WDFY3: variants seen among roughly 807,000 people sequenced by gnomAD.
WDFY3 encodes the protein WD repeat and FYVE domain-containing protein 3.
Under a neutral mutation model 409.6 loss-of-function variants are expected in WDFY3, and 66 were observed. The ratio of observed to expected loss-of-function variants is 0.16; its 90% confidence interval spans 0.13 to 0.20. The LOEUF (loss-of-function observed/expected upper bound fraction) is 0.20, where lower values mean the gene tolerates loss of function less well. WDFY3 is among the 10% of genes least tolerant of loss of function. The probability of loss-of-function intolerance (pLI) is 1.00; values close to 1 mark genes in which losing one functional copy is unlikely to be tolerated. For synonymous variants in WDFY3, 1,521 were observed against 1,537.1 expected (o/e 0.99, Z 0.25); for missense variants, 3,031 against 4,298.1 (o/e 0.71, Z 8.24).
chr4:84,697,095 T>A (rs1179916732), intron 56 of WDFY3, among the ~76,000 whole-genome samples: 1 of 152,192 alleles, frequency 6.6e-6, no homozygotes, highest in African/African-American at 2.4e-5. Context: ...GAAACATGCT[T>A]CTTTCTGCAG....
At chr4:84,881,041 A>G (rs1400641153) in intron 3 of WDFY3, among the ~76,000 whole-genome samples, 1 of 151,708 alleles carries the variant, frequency 6.6e-6, no homozygotes, top group Non-Finnish European at 1.5e-5. Context: ...AGTCTTACTG[A>G]GCTTCTTCAA....
chr4:84,719,513 CTCA>C (rs2149073355), intron 47 of WDFY3, among the ~76,000 whole-genome samples: 1 of 152,232 alleles, frequency 6.6e-6, no homozygotes, highest in East Asian at 1.9e-4. Flanking sequence ...AAAAACTGTA[CTCA>C]TGAGATTAAA....
At chr4:84,909,868 CCAA>C (rs1767534902) in intron 2 of WDFY3, among the ~76,000 whole-genome samples, 1 of 152,084 alleles carries the variant, frequency 6.6e-6, no homozygotes, top group Non-Finnish European at 1.5e-5. Context: ...AATTAAATAA[CCAA>C]CAACTTGCTT....
intron 4 of WDFY3, among the ~76,000 whole-genome samples, chr4:84,850,284 G>T (rs1024996471): frequency 8.6e-5 from 13 of 151,924 alleles, no homozygotes; most frequent in African/African-American, 3.1e-4. Context: ...GATAAAATTT[G>T]AATCAATCTC....
At chr4:84,699,001 C>T (rs894495724) in intron 56 of WDFY3, among the ~76,000 whole-genome samples, 1 of 151,830 alleles carries the variant, frequency 6.6e-6, no homozygotes, top group Non-Finnish European at 1.5e-5. Context: ...AGTGTGTTTT[C>T]TTTTACACCA....
At chr4:84,914,507 G>T (rs573823376) in intron 2 of WDFY3, among the ~76,000 whole-genome samples, 44 of 152,214 alleles carry the variant, frequency 2.9e-4, no homozygotes, top group Non-Finnish European at 5.1e-4. Flanking sequence ...ATAAATTTTC[G>T]ACTGGAGGGG....
At chr4:84,745,198 T>C (rs1246867191) in intron 36 of WDFY3, among the ~76,000 whole-genome samples, 2 of 152,206 alleles carry the variant, frequency 1.3e-5, no homozygotes, top group African/African-American at 2.4e-5. Context: ...GGATGAGATG[T>C]AGGAAAGAGC....
intron 2 of WDFY3, among the ~76,000 whole-genome samples, chr4:84,897,328 C>T (rs1765771411): frequency 6.6e-6 from 1 of 152,116 alleles, no homozygotes; most frequent in African/African-American, 2.4e-5. Context: ...ATAAACTTTT[C>T]AGCTTGTTGC....
At position 84,691,393 on chromosome 4, in the gene WDFY3, C is replaced by T. The variant is rs377718983; in HGVS notation, c.9204+238G>A. Among the ~76,000 whole-genome samples the T allele has an allele frequency of 6.6e-5, 10 of 152,298 alleles. No individual in the cohort carries two copies. The East Asian group carries it at 1.7e-3, about 26-fold the overall frequency. Reference sequence around the variant, plus strand: ...AAGGAAACTGCTAGCCCCTGTTACACAACTTTGCAAAAGAGGCTTGTTCTG... The same window carrying T: ...AAGGAAACTGCTAGCCCCTGTTACATAACTTTGCAAAAGAGGCTTGTTCTG... On this transcript the variant is annotated intron_variant, in intron 60 of 67. Transcript: ENST00000295888.
intron 4 of WDFY3, among the ~76,000 whole-genome samples, 189 bp downstream of exon 4, chr4:84,860,223 T>C (rs1356310750): frequency 2.0e-5 from 3 of 152,218 alleles, no homozygotes; most frequent in African/African-American, 7.2e-5. Flanking sequence ...TAAATGTAGT[T>C]TATTCTGACC....
chr4:84,836,231 T>C (rs1219257054), intron 7 of WDFY3, among the ~76,000 whole-genome samples: 2 of 152,218 alleles, frequency 1.3e-5, no homozygotes, highest in East Asian at 3.8e-4. Context: ...ACTTTAGATA[T>C]ATCATATAAG....
At chr4:84,898,054 G>A (rs562114633) in intron 2 of WDFY3, among the ~76,000 whole-genome samples, 37 of 152,138 alleles carry the variant, frequency 2.4e-4, no homozygotes, top group Admixed American at 5.2e-4. Context: ...AAGAGCCTAA[G>A]CTGGCAGCCA....
chr4:84,809,311 G>A (rs1447605386), intron 14 of WDFY3: 1 of 152,634 alleles, frequency 6.6e-6, no homozygotes, highest in Non-Finnish European at 1.5e-5. Context: ...GCCCTGTGTA[G>A]AGCTGAATCC....
chr4:84,724,713 CTG>C (rs1735379733), intron 45 of WDFY3, 119 bp from the exon 46 acceptor site: 1 of 1,088,928 alleles, frequency 9.2e-7, no homozygotes, highest in Non-Finnish European at 1.3e-6. Context: ...TTTTCATAGA[CTG>C]TATGTATATA....
intron 38 of WDFY3, among the ~76,000 whole-genome samples, 178 bp from the exon 39 acceptor site, chr4:84,740,594 A>G (rs1738236214): frequency 6.6e-6 from 1 of 152,164 alleles, no homozygotes; most frequent in Admixed American, 6.5e-5. Context: ...CATGAGACAC[A>G]TCAATATCAT....
Position 84,679,115 on chromosome 4 carries a change from G to A in WDFY3, c.9951C>T (p.Arg3317=), listed in dbSNP as rs758904213. The A allele has an allele frequency of 1.2e-5, 19 of 1,614,050 alleles. No homozygotes were observed. The highest frequency in any genetic ancestry group is 2.2e-5 in the East Asian group (1 of 44,894). Residue 3317 remains arginine (R), a synonymous_variant, in exon 65 of 68, where the codon CGC becomes CGT. Coordinates refer to ENST00000295888, the MANE Select transcript of WDFY3 (RefSeq NM_014991.6). ...TGTCAGTACACCAGGCGGCTGTTGCGCGGCAGGAGGCTGCCCGGGGCCTGT... is the reference window on the plus strand; with the variant it reads ...TGTCAGTACACCAGGCGGCTGTTGCACGGCAGGAGGCTGCCCGGGGCCTGT... ...TSHRPRAASC[R]ATAAWCTDSG... is the part of the protein sequence containing the mutation.
chr4:84,817,298 T>C, intron 13 of WDFY3, 94 bp downstream of exon 13: 1 of 1,499,830 alleles, frequency 6.7e-7, no homozygotes, highest in South Asian at 1.3e-5. Context: ...TTGGATTTTT[T>C]TTAATTTCCC....
chr4:84,753,925 G>A (rs745515750), intron 34 of WDFY3, 49 bp from the exon 35 acceptor site: 1 of 1,458,784 alleles, frequency 6.9e-7, no homozygotes, highest in Non-Finnish European at 9.1e-7. Flanking sequence ...TATTGACACT[G>A]CTATAAATTA....
intron 32 of WDFY3, among the ~76,000 whole-genome samples, chr4:84,761,878 G>A (rs1484643734): frequency 6.6e-6 from 1 of 152,154 alleles, no homozygotes; most frequent in Admixed American, 6.5e-5. Flanking sequence ...ACCATCACTG[G>A]CCATCAGAGA....
Sources: gnomAD v4.1 joint callset for allele counts (sites outside exome capture counted in the v4.1 genomes callset) on GRCh38, gnomAD v4.1.1 for gene constraint, MANE v1.5 for transcripts, NCBI Gene and HGNC (gene_info 2026-07-23, HGNC 2026-07-21) for gene names.